Variants in RAB40C observed in about 807,000 individuals in gnomAD.
RAB40C encodes RAB40C, member RAS oncogene family, also known as ras-related protein Rab-40C.
Under a neutral mutation model 28.1 loss-of-function variants are expected in RAB40C, and 8 were observed. The observed-to-expected ratio is 0.28, with a 90% CI of 0.17 to 0.51. The LOEUF is 0.51. Among genes scored for constraint, RAB40C ranks in the 20% least tolerant of loss-of-function variants. RAB40C has a pLI of 0.97. For missense variants in RAB40C, 288 were observed against 405.9 expected (o/e 0.71, Z 2.50); for synonymous variants, 201 against 171.7 (o/e 1.17, Z -1.34).
At chr16:622,351 C>T (rs903027002) in intron 3 of RAB40C, among the ~76,000 whole-genome samples, 1 of 152,202 alleles carries the variant, frequency 6.6e-6, no homozygotes, top group Non-Finnish European at 1.5e-5. Context: ...GGGAGCAGCG[C>T]CAAGTGCCTC....
intron 1 of RAB40C, among the ~76,000 whole-genome samples, chr16:603,262 A>C (rs746072644): frequency 2.6e-5 from 4 of 152,230 alleles, no homozygotes; most frequent in Non-Finnish European, 5.9e-5. Flanking sequence ...ATTTCTTCTG[A>C]CATTTGGCAT....
At chr16:613,672 T>A (rs530748893) in intron 1 of RAB40C, among the ~76,000 whole-genome samples, 19 of 152,370 alleles carry the variant, frequency 1.2e-4, no homozygotes, top group Admixed American at 2.6e-4. Context: ...GCCCTTTTTT[T>A]AAAGTATAAT....
chr16:622,441 C>T (rs569588628), intron 3 of RAB40C, among the ~76,000 whole-genome samples: 4 of 152,314 alleles, frequency 2.6e-5, no homozygotes, highest in East Asian at 1.9e-4. Flanking sequence ...ACTGTCAGGG[C>T]GGCTCCTAGA....
Position 625,892 on chromosome 16 carries a change from C to T in RAB40C, c.343-7C>T, listed in dbSNP as rs1411259817. The T allele has an allele frequency of 6.2e-7, 1 of 1,608,932 alleles. No homozygotes were observed. The highest frequency in any genetic ancestry group is 1.3e-5 in the African/African-American group (1 of 74,968). ...GTTTGTGCGTCTGCTGAGTTCTGTG[C>T]CCCCAGCATGCACCCGGAGTCCCCC... On this transcript the variant is annotated splice_polypyrimidine_tract_variant and splice_region_variant and intron_variant, in intron 4 of 5. Coordinates refer to ENST00000248139, the MANE Select transcript of RAB40C (RefSeq NM_021168.5).
Position 629,125 on chromosome 16 carries a change from T to A in RAB40C, c.*1503T>A. On this transcript the variant is annotated 3_prime_UTR_variant, in exon 6 of 6. Transcript: ENST00000248139. ...TGCCAGCAGGGCCCTTGTTTGGGAT[T>A]ATGAACAAACCTCACAGACTTTGAG... 6.1e-6 allele frequency: 1 copy of A among 164,654 alleles called. No individual in the cohort carries two copies. The highest frequency in any genetic ancestry group is 1.3e-5 in the Non-Finnish European group (1 of 74,618). The allele number at this position is 164,654 out of a possible 1,614,324, so 10.2% of individuals were successfully genotyped here. A position where few individuals can be genotyped will look rare whatever the true frequency, so the allele number is the denominator to read the frequency against.
intron 1 of RAB40C, among the ~76,000 whole-genome samples, chr16:613,241 C>CA (rs1246918724): frequency 6.9e-6 from 1 of 145,942 alleles, no homozygotes. Context: ...GCATCAAGAG[C>CA]AGGGACAGCC....
At chr16:623,125 G>T (rs1215929101) in intron 3 of RAB40C, among the ~76,000 whole-genome samples, 1 of 152,162 alleles carries the variant, frequency 6.6e-6, no homozygotes, top group Non-Finnish European at 1.5e-5. Context: ...CGGGAGGTGT[G>T]GCCAGGGCCC....
intron 3 of RAB40C, among the ~76,000 whole-genome samples, chr16:623,595 C>T (rs573604388): frequency 2.9e-4 from 43 of 147,180 alleles, no homozygotes; most frequent in African/African-American, 9.9e-4. Context: ...GGAGATCGTG[C>T]GGCTGCACTC....
In RAB40C at chr16:610,991, T is replaced by C. The variant is rs1490287221; in HGVS notation, c.143-6217T>C. Among the ~76,000 whole-genome samples, 1 of 152,172 alleles carries C rather than the reference T, an allele frequency of 6.6e-6. No individual in the cohort carries two copies. Among genetic ancestry groups the C allele is most frequent in the African/African-American group, 2.4e-5 (1 of 41,456 alleles). On this transcript the variant is annotated intron_variant, in intron 1 of 5. Transcript: ENST00000248139. The surrounding 1 kb of genome is among the most constrained non-coding windows in gnomAD (Gnocchi z 4.6). The stretch of plus-strand genomic sequence containing the variant: ...GCTGTTTGTGTCTAAATGGTATCCA[T>C]GGGGACGTTGTTTCATAGTCTTCTT...
intron 3 of RAB40C, among the ~76,000 whole-genome samples, chr16:621,538 G>T (rs555774375): frequency 6.6e-6 from 1 of 152,238 alleles, no homozygotes. Context: ...GGCTCTTCCC[G>T]CGAGGCCCTT....
chr16:606,123 G>T (rs1297024061), intron 1 of RAB40C, among the ~76,000 whole-genome samples: 1 of 152,018 alleles, frequency 6.6e-6, no homozygotes, highest in African/African-American at 2.4e-5. Flanking sequence ...TCGGTCCTCA[G>T]TCCAGTGTGG....
intron 1 of RAB40C, 54 bp from the exon 2 acceptor site, chr16:617,154 G>A (rs1001828915): frequency 2.3e-5 from 36 of 1,593,378 alleles, no homozygotes; most frequent in African/African-American, 1.7e-4. Context: ...CTGGTCTCGC[G>A]GGCGCTCGCT....
chr16:603,302 G>A (rs1303116067), intron 1 of RAB40C, among the ~76,000 whole-genome samples: 1 of 152,006 alleles, frequency 6.6e-6, no homozygotes, highest in Non-Finnish European at 1.5e-5. Flanking sequence ...TTTGAAATTT[G>A]TTAGATAACT....
intron 3 of RAB40C, chr16:624,540 A>T (rs1462961620): frequency 1.0e-6 from 1 of 985,314 alleles, no homozygotes; most frequent in African/African-American, 1.7e-5. Context: ...TCTTCCAGAT[A>T]TCGAAAGATG....
At chr16:626,527 C>T (rs2036839126) in intron 5 of RAB40C, among the ~76,000 whole-genome samples, 1 of 152,172 alleles carries the variant, frequency 6.6e-6, no homozygotes, top group African/African-American at 2.4e-5. Context: ...CATCCTTGAT[C>T]AGAGGCTCCC....
At chr16:600,254 G>A (rs886087229) in intron 1 of RAB40C, among the ~76,000 whole-genome samples, 17 of 152,330 alleles carry the variant, frequency 1.1e-4, no homozygotes, top group African/African-American at 3.4e-4. Context: ...CCCTGGAAAC[G>A]GCCATCTCTC....
At chr16:624,130 T>C (rs1018819527) in intron 3 of RAB40C, 28 of 985,324 alleles carry the variant, frequency 2.8e-5, no homozygotes, top group South Asian at 4.7e-5. Context: ...GGCTTGTCGT[T>C]GTTATCAGCG....
intron 3 of RAB40C, among the ~76,000 whole-genome samples, chr16:622,298 C>A (rs775847327): frequency 6.6e-6 from 1 of 152,150 alleles, no homozygotes; most frequent in Non-Finnish European, 1.5e-5. Context: ...TACCAGTTCA[C>A]GAGCAGGCGG....
intron 1 of RAB40C, among the ~76,000 whole-genome samples, chr16:608,400 C>G (rs117546158): frequency 7.5e-4 from 114 of 152,332 alleles, no homozygotes; most frequent in Non-Finnish European, 1.2e-3. Flanking sequence ...ACTCCTGAGC[C>G]TGCTTAGCTC....
Sources: allele counts gnomAD v4.1 joint callset (sites outside exome capture counted in the v4.1 genomes callset), GRCh38; gene constraint gnomAD v4.1.1; non-coding constraint Gnocchi (gnomAD v3.1); transcripts MANE v1.5; gene names NCBI Gene and HGNC (gene_info 2026-07-23, HGNC 2026-07-21).